Variants in MARCHF1 observed in about 807,000 individuals in gnomAD.
MARCHF1 encodes membrane associated ring-CH-type finger 1.
In MARCHF1, 40 loss-of-function variants were observed where a neutral mutation model predicts 54.2. That is an observed-to-expected ratio of 0.74 (90% CI 0.57 to 0.96). MARCHF1 has a LOEUF of 0.96. MARCHF1 is among the 40% of genes least tolerant of loss of function. MARCHF1 has a pLI of 0.00. For missense variants in MARCHF1, 586 were observed against 656.5 expected (o/e 0.89, Z 1.17); for synonymous variants, 236 against 236.3 (o/e 1.00, Z 0.01).
At chr4:164,032,153 G>C (rs1201088245) in intron 2 of MARCHF1, among the ~76,000 whole-genome samples, 1 of 152,126 alleles carries the variant, frequency 6.6e-6, no homozygotes, top group Admixed American at 6.5e-5. Flanking sequence ...ATGGTAGTTT[G>C]TATTTCTGTG....
chr4:164,132,427 G>C (rs966809735), intron 1 of MARCHF1, among the ~76,000 whole-genome samples: 26 of 152,008 alleles, frequency 1.7e-4, no homozygotes, highest in Non-Finnish European at 4.4e-5. Flanking sequence ...TTAGATCATG[G>C]TTGACATTGT....
chr4:163,994,219 A>G (rs1227193513), intron 2 of MARCHF1, among the ~76,000 whole-genome samples: 1 of 150,498 alleles, frequency 6.6e-6, no homozygotes, highest in African/African-American at 2.4e-5. Flanking sequence ...TTGGGTCAGA[A>G]CCTGTCCACT....
At chr4:164,082,559 C>A (rs1454508353) in intron 2 of MARCHF1, among the ~76,000 whole-genome samples, 1 of 152,132 alleles carries the variant, frequency 6.6e-6, no homozygotes, top group African/African-American at 2.4e-5. Flanking sequence ...AAGATTCACA[C>A]ATTTTCTAGA....
At chr4:163,822,796 T>C (rs1165474704) in intron 4 of MARCHF1, among the ~76,000 whole-genome samples, 2 of 151,854 alleles carry the variant, frequency 1.3e-5, no homozygotes, top group African/African-American at 4.8e-5. Flanking sequence ...CTCACCCTAC[T>C]GATCTATTGG....
At chr4:163,569,934 A>G (rs142705021) in intron 8 of MARCHF1, among the ~76,000 whole-genome samples, 46 of 152,328 alleles carry the variant, frequency 3.0e-4, no homozygotes, top group African/African-American at 1.0e-3. Flanking sequence ...TAAGATAAAT[A>G]TTGTTCAAAT....
intron 4 of MARCHF1, among the ~76,000 whole-genome samples, chr4:163,729,311 G>T (rs188408822): frequency 1.4e-4 from 22 of 152,156 alleles, no homozygotes; most frequent in African/African-American, 5.3e-4. Context: ...GAGTTAGGAA[G>T]TGTACTCTCT....
rs533583963 is a variant in MARCHF1 at position 164,156,337 on chromosome 4, A to T, written c.-322-44675T>A. On this transcript the variant is annotated intron_variant, in intron 1 of 9. Coordinates refer to ENST00000514618, the MANE Select transcript of MARCHF1 (RefSeq NM_001394959.1). Reference sequence around the variant, plus strand: ...CAAACTAGTATTTAATTAATTAAACAAAATTAACTCTGACTTCAGTAGGAA... The same window carrying T: ...CAAACTAGTATTTAATTAATTAAACTAAATTAACTCTGACTTCAGTAGGAA... 2.0e-5 allele frequency among the ~76,000 whole-genome samples: 3 copies of T among 152,350 alleles called. No homozygotes were observed. The East Asian group carries it at 5.8e-4, about 29-fold the overall frequency.
chr4:163,615,250 G>T (rs1298001083), intron 5 of MARCHF1, among the ~76,000 whole-genome samples: 1 of 152,044 alleles, frequency 6.6e-6, no homozygotes, highest in Non-Finnish European at 1.5e-5. Context: ...TAACGATCCA[G>T]CTAATCTTAA....
chr4:163,570,276 G>A (rs1397996), intron 8 of MARCHF1, among the ~76,000 whole-genome samples: 2,843 of 152,084 alleles, frequency 0.019, 77 homozygotes, highest in African/African-American at 0.063. Context: ...TACTGATTTG[G>A]TAAGAACAAA....
intron 1 of MARCHF1, among the ~76,000 whole-genome samples, chr4:164,302,868 TAAAAAA>T: frequency 8.8e-6 from 1 of 114,244 alleles, no homozygotes; most frequent in Non-Finnish European, 1.8e-5. Context: ...GAGACTGTCT[TAAAAAA>T]AAAAAAAAAA....
intron 2 of MARCHF1, among the ~76,000 whole-genome samples, chr4:164,018,390 T>G (rs976253119): frequency 6.6e-6 from 1 of 151,918 alleles, no homozygotes; most frequent in African/African-American, 2.4e-5. Flanking sequence ...TATGGCAACA[T>G]ATATATGATT....
At chr4:163,767,834 A>C (rs1747035148) in intron 4 of MARCHF1, among the ~76,000 whole-genome samples, 1 of 152,228 alleles carries the variant, frequency 6.6e-6, no homozygotes, top group African/African-American at 2.4e-5. Context: ...TAAAAAAAGA[A>C]AATTAAAATA....
chr4:163,641,054 G>T (rs772885321), intron 5 of MARCHF1, among the ~76,000 whole-genome samples: 9 of 151,900 alleles, frequency 5.9e-5, no homozygotes, highest in Admixed American at 1.3e-4. Flanking sequence ...TCATTATCAT[G>T]TCAACCTATA....
At chr4:164,331,584 TTG>T (rs915511675) in intron 1 of MARCHF1, among the ~76,000 whole-genome samples, 2 of 152,232 alleles carry the variant, frequency 1.3e-5, no homozygotes, top group Admixed American at 1.3e-4. Flanking sequence ...CTCTTTAAAA[TTG>T]TGTGTCTTAA....
intron 5 of MARCHF1, among the ~76,000 whole-genome samples, chr4:163,695,746 T>C (rs964728129): frequency 1.3e-5 from 2 of 152,322 alleles, no homozygotes; most frequent in African/African-American, 2.4e-5. Context: ...TCTTTCCTTT[T>C]GACAGTTGGC....
intron 5 of MARCHF1, among the ~76,000 whole-genome samples, chr4:163,616,080 A>T (rs1741499110): frequency 1.3e-5 from 2 of 152,296 alleles, no homozygotes; most frequent in Admixed American, 1.3e-4. Flanking sequence ...AAATGAATTA[A>T]AGACTTAAAT....
At chr4:164,249,811 A>C (rs2111240378) in intron 1 of MARCHF1, among the ~76,000 whole-genome samples, 1 of 152,046 alleles carries the variant, frequency 6.6e-6, no homozygotes, top group African/African-American at 2.4e-5. Flanking sequence ...TGATGAGGGA[A>C]GCAAGGAAAA....
intron 1 of MARCHF1, among the ~76,000 whole-genome samples, chr4:164,246,851 G>T (rs1367931256): frequency 1.3e-4 from 17 of 129,484 alleles, no homozygotes; most frequent in Admixed American, 1.7e-4. Context: ...AAAAACACAT[G>T]AAAAAATGCT....
chr4:164,038,425 G>A (rs1011696314), intron 2 of MARCHF1, among the ~76,000 whole-genome samples: 2 of 152,296 alleles, frequency 1.3e-5, no homozygotes, highest in Non-Finnish European at 1.5e-5. Flanking sequence ...CCCGGGAGGT[G>A]GAGGTTGCAG....
Sources: allele counts gnomAD v4.1 joint callset (sites outside exome capture counted in the v4.1 genomes callset), GRCh38; gene constraint gnomAD v4.1.1; transcripts MANE v1.5; gene names NCBI Gene and HGNC (gene_info 2026-07-23, HGNC 2026-07-21).